RGS3: variants seen among roughly 807,000 people sequenced by gnomAD.
The protein encoded by RGS3 is regulator of G-protein signalling 3.
RGS3 carries 80 observed loss-of-function variants against 132.6 expected under a neutral mutation model. The observed-to-expected ratio is 0.60, with a 90% CI of 0.50 to 0.73. RGS3 has a LOEUF of 0.73. RGS3 is among the 30% of genes least tolerant of loss of function. The pLI, the probability that RGS3 is intolerant of heterozygous loss-of-function variation, is 0.00. For missense variants in RGS3, 1,382 were observed against 1,530.8 expected (o/e 0.90, Z 1.62); for synonymous variants, 598 against 620.6 (o/e 0.96, Z 0.54).
intron 3 of RGS3, among the ~76,000 whole-genome samples, chr9:113,471,798 C>T (rs552818217): frequency 1.6e-4 from 24 of 152,264 alleles, no homozygotes; most frequent in African/African-American, 5.8e-4. Context: ...CAGTTCCTTG[C>T]TACCTGTAAT....
chr9:113,448,324 C>G (rs1043664122), intron 1 of RGS3, among the ~76,000 whole-genome samples: 22 of 152,174 alleles, frequency 1.4e-4, no homozygotes, highest in African/African-American at 2.7e-4. Context: ...CTTCTCTCCC[C>G]CCAGCCCCAT....
intron 19 of RGS3, chr9:113,541,428 G>A (rs1294296044): frequency 1.9e-6 from 3 of 1,613,214 alleles, no homozygotes; most frequent in Middle Eastern, 1.6e-4. Context: ...GATTGGCTGA[G>A]CAAACCCAAG....
chr9:113,445,324 T>C (rs549321943), intron 1 of RGS3, among the ~76,000 whole-genome samples: 4 of 151,532 alleles, frequency 2.6e-5, no homozygotes, highest in African/African-American at 9.7e-5. Flanking sequence ...CAGCCTCCCA[T>C]GTAGCTGGGA....
intron 19 of RGS3, among the ~76,000 whole-genome samples, chr9:113,559,987 G>A (rs1186872159): frequency 3.3e-5 from 5 of 152,134 alleles, no homozygotes; most frequent in East Asian, 1.9e-4. Flanking sequence ...ACACCACGTC[G>A]TCTAGTCCTC....
intron 1 of RGS3, among the ~76,000 whole-genome samples, chr9:113,446,775 A>G (rs1829109155): frequency 6.6e-6 from 1 of 152,140 alleles, no homozygotes; most frequent in Non-Finnish European, 1.5e-5. Flanking sequence ...GAGTGTGGCA[A>G]AAAAGGTGGC....
chr9:113,556,396 AAATAAT>A (rs145756832), intron 19 of RGS3, among the ~76,000 whole-genome samples: 1 of 151,728 alleles, frequency 6.6e-6, no homozygotes, highest in African/African-American at 2.4e-5. Context: ...TTCCTACTAC[AAATAAT>A]AATAATAATA....
intron 19 of RGS3, chr9:113,581,824 G>A (rs1256233072): frequency 6.4e-6 from 1 of 156,058 alleles, no homozygotes; most frequent in African/African-American, 2.4e-5. Flanking sequence ...TCACCTCTGA[G>A]CTGCAGGCAG....
At chr9:113,476,339 G>T (rs993913458) in intron 3 of RGS3, among the ~76,000 whole-genome samples, 3 of 152,152 alleles carry the variant, frequency 2.0e-5, no homozygotes, top group African/African-American at 7.2e-5. Context: ...TTCCATCTCA[G>T]GCATGACCGT....
chr9:113,502,833 T>C (rs1830958462), intron 10 of RGS3, among the ~76,000 whole-genome samples: 1 of 152,226 alleles, frequency 6.6e-6, no homozygotes, highest in South Asian at 2.1e-4. Flanking sequence ...CAAATCTAGC[T>C]CTGTTCCTCT....
chr9:113,446,224 G>C (rs1326165358), intron 1 of RGS3, among the ~76,000 whole-genome samples: 1 of 152,098 alleles, frequency 6.6e-6, no homozygotes, highest in African/African-American at 2.4e-5. Context: ...ATTGACATAA[G>C]GTACCAGGGT....
rs143043181 is a variant in RGS3, at chr9:113,492,808, G to T, written c.690-2978G>T. On this transcript the variant is annotated intron_variant, in intron 7 of 24. Coordinates refer to ENST00000350696, the Ensembl canonical transcript of RGS3. ...CTAATTGAAGAACACTTAGAGAGAGGTTCCTGCTTATGGACATTAATTGTG... is the reference window on the plus strand; with the variant it reads ...CTAATTGAAGAACACTTAGAGAGAGTTTCCTGCTTATGGACATTAATTGTG... Among the ~76,000 whole-genome samples, 3 of 152,322 alleles carry T rather than the reference G, an allele frequency of 2.0e-5. No homozygotes were observed. The East Asian group carries it at 5.8e-4, about 29-fold the overall frequency.
intron 19 of RGS3, chr9:113,541,308 C>G: frequency 1.9e-6 from 3 of 1,611,930 alleles, no homozygotes; most frequent in Non-Finnish European, 2.5e-6. Flanking sequence ...CCAGTTCTGT[C>G]TGGTTCCACA....
chr9:113,564,677 A>T (rs1400086117), intron 19 of RGS3, among the ~76,000 whole-genome samples: 1 of 152,210 alleles, frequency 6.6e-6, no homozygotes, highest in Non-Finnish European at 1.5e-5. Flanking sequence ...AGGATGTTAC[A>T]GTCCAAACTG....
At chr9:113,465,785 G>T (rs983233996) in intron 3 of RGS3, among the ~76,000 whole-genome samples, 1 of 152,108 alleles carries the variant, frequency 6.6e-6, no homozygotes, top group Non-Finnish European at 1.5e-5. Context: ...GAGCCTGGGT[G>T]GGGTGGGAAG....
chr9:113,581,999 T>G lies in RGS3; in HGVS notation c.2038-1451T>G, dbSNP rs989579620. ...TTCTCTGCTCTGCAGGGCTCCACTT[T>G]CACTTTCACACTCCCAGGCTGTGGC... is the stretch of plus-strand genomic sequence containing the variant. On this transcript the variant is annotated intron_variant, in intron 19 of 24. Transcript: ENST00000350696. 1.0e-5 allele frequency: 10 copies of G among 984,988 alleles called. No homozygotes were observed. In the South Asian group the frequency reaches 3.8e-4, roughly 37 times the overall value. 61.0% of individuals were successfully genotyped at this position (984,988 alleles called of 1,614,324 possible).
chr9:113,452,923 T>C (rs1487976579), intron 1 of RGS3, among the ~76,000 whole-genome samples: 2 of 136,692 alleles, frequency 1.5e-5, no homozygotes, highest in Non-Finnish European at 3.1e-5. Flanking sequence ...TATATTTATA[T>C]ATAATATATA....
At position 113,485,906 on chromosome 9, in the gene RGS3, G is replaced by A. The variant is rs566957792; in HGVS notation, c.689+213G>A. Among the ~76,000 whole-genome samples, 8 of 152,326 alleles carry A rather than the reference G, an allele frequency of 5.3e-5. No individual in the cohort carries two copies. In the South Asian group the frequency reaches 1.0e-3, roughly 20 times the overall value. On this transcript the variant is annotated intron_variant, in intron 7 of 24. Coordinates refer to ENST00000350696, the Ensembl canonical transcript of RGS3. ...TCAATGAGCATTTGCTGAGCACTCG[G>A]TATCAAACAAGGCACTGTGCTGGTC...
At chr9:113,468,719 C>T (rs974804999) in intron 3 of RGS3, among the ~76,000 whole-genome samples, 16 of 152,112 alleles carry the variant, frequency 1.1e-4, no homozygotes, top group African/African-American at 3.9e-4. Context: ...TTTTAACTTG[C>T]TTGGGATCTC....
chr9:113,492,918 A>G (rs189028778), intron 7 of RGS3, among the ~76,000 whole-genome samples: 65 of 152,312 alleles, frequency 4.3e-4, no homozygotes, highest in African/African-American at 1.4e-3. Flanking sequence ...TTAACCATTT[A>G]ACATTCTCTA....
Sources: allele counts gnomAD v4.1 joint callset (sites outside exome capture counted in the v4.1 genomes callset), GRCh38; gene constraint gnomAD v4.1.1; transcripts MANE v1.5; gene names NCBI Gene and HGNC (gene_info 2026-07-23, HGNC 2026-07-21).